SLC41A2: variants seen among roughly 807,000 people sequenced by gnomAD.
SLC41A2 encodes the protein solute carrier family 41 member 2.
A neutral mutation model predicts 58.3 loss-of-function variants in SLC41A2; 32 were observed. That is an observed-to-expected ratio of 0.55 (90% CI 0.41 to 0.74). The LOEUF is 0.74. Ranked by LOEUF, SLC41A2 falls within the 30% of genes least tolerant of loss-of-function variation. The pLI is 0.00. For synonymous variants in SLC41A2, 190 were observed against 235.0 expected, an observed-to-expected ratio of 0.81 and a Z score of 1.75; for missense variants, 514 against 680.6, an observed-to-expected ratio of 0.76 and a Z score of 2.72.
intron 2 of SLC41A2, among the ~76,000 whole-genome samples, chr12:104,927,734 C>A (rs12310202): frequency 1.3e-5 from 2 of 151,936 alleles, no homozygotes; most frequent in Non-Finnish European, 2.9e-5. Flanking sequence ...CTTCCAAGGT[C>A]TGTAGAGAAG....
chr12:104,819,230 A>C (rs57066817), intron 10 of SLC41A2, among the ~76,000 whole-genome samples: 6,617 of 152,242 alleles, frequency 0.043, 276 homozygotes, highest in African/African-American at 0.095. Context: ...TAGCAAAAAA[A>C]CCCCATATTT....
intron 8 of SLC41A2, among the ~76,000 whole-genome samples, chr12:104,851,223 G>T (rs1274368220): frequency 6.6e-6 from 1 of 151,958 alleles, no homozygotes; most frequent in Admixed American, 6.6e-5. Context: ...ATTCTGACTT[G>T]GCATTTTCTT....
At chr12:104,930,956 G>A (rs149569737) in intron 1 of SLC41A2, among the ~76,000 whole-genome samples, 3 of 152,300 alleles carry the variant, frequency 2.0e-5, no homozygotes, top group Non-Finnish European at 4.4e-5. Flanking sequence ...TCTTACTTCG[G>A]TATAAGCTAT....
chr12:104,905,693 C>T (rs959402560), intron 3 of SLC41A2, among the ~76,000 whole-genome samples: 11 of 152,242 alleles, frequency 7.2e-5, no homozygotes, highest in Admixed American at 5.2e-4. Flanking sequence ...AGAAATCGAG[C>T]GCAGCGCCGG....
At chr12:104,907,115 A>G (rs1277505897) in intron 3 of SLC41A2, among the ~76,000 whole-genome samples, 1 of 151,744 alleles carries the variant, frequency 6.6e-6, no homozygotes, top group Non-Finnish European at 1.5e-5. Flanking sequence ...TGGGTTATAT[A>G]TAATCTGTAA....
intron 10 of SLC41A2, 42 bp from the exon 11 acceptor site, chr12:104,805,379 T>C (rs762983454): frequency 1.3e-6 from 2 of 1,545,504 alleles, no homozygotes; most frequent in Non-Finnish European, 1.8e-6. Context: ...GCCTGGACAT[T>C]CCTAGCCCAT....
At chr12:104,958,368 C>G (rs1167745097), upstream of SLC41A2, 2 of 148,758 alleles carry the variant, frequency 1.3e-5, no homozygotes, top group African/African-American at 4.9e-5. Flanking sequence ...CAAGCGCAGC[C>G]GCGCCGCCGC....
chr12:104,828,260 C>T (rs1308867739), intron 10 of SLC41A2, among the ~76,000 whole-genome samples: 1 of 152,190 alleles, frequency 6.6e-6, no homozygotes, highest in Non-Finnish European at 1.5e-5. Context: ...AGAGCCCAGG[C>T]TGCTGAGTGG....
rs570240486 is a variant in SLC41A2, at chr12:104,871,434, A to C, written c.1028-4855T>G. ...TGTATGTTTAAAGATTACTATACGA[A>C]TGTATAAATGCCTTTATATTGTCCC... On this transcript the variant is annotated intron_variant, in intron 6 of 10. Transcript: ENST00000258538. 2.0e-5 allele frequency among the ~76,000 whole-genome samples: 3 copies of C among 152,290 alleles called. No individual in the cohort carries two copies. The South Asian group carries it at 6.2e-4, about 32-fold the overall frequency.
At chr12:104,841,336 T>A (rs1026224761) in intron 10 of SLC41A2, among the ~76,000 whole-genome samples, 5 of 150,264 alleles carry the variant, frequency 3.3e-5, no homozygotes, top group Non-Finnish European at 7.4e-5. Context: ...TTTTTTTTAG[T>A]TCTTCTGTGA....
chr12:104,891,296 C>T (rs541062521), intron 4 of SLC41A2, among the ~76,000 whole-genome samples: 1 of 152,094 alleles, frequency 6.6e-6, no homozygotes, highest in South Asian at 2.1e-4. Context: ...TGTCTGACTC[C>T]TATCTTGACT....
At chr12:104,810,054 A>G (rs1379865379) in intron 10 of SLC41A2, among the ~76,000 whole-genome samples, 1 of 152,174 alleles carries the variant, frequency 6.6e-6, no homozygotes, top group Non-Finnish European at 1.5e-5. Flanking sequence ...TGAGAATAAG[A>G]ATTGTTTGTC....
chr12:104,904,610 A>G (rs2045723083), intron 3 of SLC41A2, among the ~76,000 whole-genome samples: 1 of 58,286 alleles, frequency 1.7e-5, no homozygotes, highest in Non-Finnish European at 4.1e-5. Flanking sequence ...TACAGCTCTT[A>G]AAGTGGCGCG....
intron 8 of SLC41A2, among the ~76,000 whole-genome samples, chr12:104,854,985 T>G (rs2042969322): frequency 6.6e-6 from 1 of 152,192 alleles, no homozygotes; most frequent in Non-Finnish European, 1.5e-5. Flanking sequence ...CACCGTTTCA[T>G]GGGCCTTGCT....
intron 3 of SLC41A2, among the ~76,000 whole-genome samples, chr12:104,899,684 A>C (rs543148652): frequency 1.3e-5 from 2 of 152,234 alleles, no homozygotes; most frequent in South Asian, 4.1e-4. Flanking sequence ...CTTGCGTATG[A>C]GATTTCTTTA....
At chr12:104,956,415 A>G (rs960793551) in intron 1 of SLC41A2, among the ~76,000 whole-genome samples, 2 of 152,248 alleles carry the variant, frequency 1.3e-5, no homozygotes, top group Admixed American at 1.3e-4. Context: ...GTGGTGGCTT[A>G]TGCCTGTAAT....
intron 5 of SLC41A2, among the ~76,000 whole-genome samples, chr12:104,887,620 A>T (rs1485504729): frequency 6.6e-6 from 1 of 152,040 alleles, no homozygotes; most frequent in Admixed American, 6.5e-5. Flanking sequence ...AATCGCTTAG[A>T]ATCTTTTTCC....
In SLC41A2 at chr12:104,803,418, G is replaced by C. The variant is rs959846603; in HGVS notation, c.*1734C>G. On this transcript the variant is annotated 3_prime_UTR_variant, in exon 11 of 11. Transcript: ENST00000258538. The stretch of plus-strand genomic sequence containing the variant: ...AGTTTTATTATAAGGCAGAAGAATG[G>C]AATAATTGAAGTTTAAAAATAAGCA... The C allele has an allele frequency of 1.6e-4, 25 of 151,988 alleles. No individual in the cohort carries two copies. Among genetic ancestry groups the C allele is most frequent in the African/African-American group, 5.8e-4 (24 of 41,412 alleles). The allele number at this position is 151,988 out of a possible 1,614,324, so 9.4% of individuals were successfully genotyped here.
intron 8 of SLC41A2, among the ~76,000 whole-genome samples, chr12:104,850,150 G>A (rs987683681): frequency 6.6e-6 from 1 of 152,148 alleles, no homozygotes; most frequent in African/African-American, 2.4e-5. Context: ...GCAATCCTCT[G>A]GCCAGGTCTA....
Sources: allele counts gnomAD v4.1 joint callset (sites outside exome capture counted in the v4.1 genomes callset), GRCh38; gene constraint gnomAD v4.1.1; transcripts MANE v1.5; gene names NCBI Gene and HGNC (gene_info 2026-07-23, HGNC 2026-07-21).